The following ENPP2 variants were observed in gnomAD, a reference collection of about 807,000 sequenced individuals.
The protein encoded by ENPP2 is ectonucleotide pyrophosphatase/phosphodiesterase 2, also known as autotaxin.
ENPP2 carries 51 observed loss-of-function variants against 120.2 expected under a neutral mutation model. The observed-to-expected ratio is 0.42, with a 90% CI of 0.34 to 0.54. ENPP2 has a LOEUF of 0.54. Ranked by LOEUF, ENPP2 falls within the 20% of genes least tolerant of loss-of-function variation. The pLI is 0.04. For missense variants in ENPP2, 920 were observed against 1,066.5 expected (o/e 0.86, Z 1.91); for synonymous variants, 365 against 366.4 (o/e 1.00, Z 0.04).
At chr8:119,582,643 T>G (rs541540465) in intron 17 of ENPP2, 41 bp from the exon 18 acceptor site, 52 of 1,402,992 alleles carry the variant, frequency 3.7e-5, no homozygotes, top group Non-Finnish European at 4.8e-5. Flanking sequence ...CTTCTTATAT[T>G]TTTTTGATGA....
At chr8:119,622,820 A>T (rs1815999297) in intron 3 of ENPP2, among the ~76,000 whole-genome samples, 1 of 152,080 alleles carries the variant, frequency 6.6e-6, no homozygotes, top group African/African-American at 2.4e-5. Context: ...CGGTGCCAGG[A>T]TGTCATAAAG....
intron 24 of ENPP2, among the ~76,000 whole-genome samples, chr8:119,558,055 G>A (rs112378501): frequency 0.027 from 4,045 of 152,298 alleles, 148 homozygotes; most frequent in African/African-American, 0.079. Flanking sequence ...GCAATATTGA[G>A]CACAGAGTAC....
chr8:119,587,942 C>A (rs1420470264), intron 13 of ENPP2, among the ~76,000 whole-genome samples: 1 of 152,154 alleles, frequency 6.6e-6, no homozygotes, highest in East Asian at 1.9e-4. Flanking sequence ...TGGAGCAGGC[C>A]TTATCTGTAT....
At chr8:119,568,996 A>G (rs1357974338) in intron 21 of ENPP2, among the ~76,000 whole-genome samples, 1 of 151,652 alleles carries the variant, frequency 6.6e-6, no homozygotes, top group Non-Finnish European at 1.5e-5. Context: ...TTCTCATTTA[A>G]TAATGTAAGG....
At chr8:119,617,310 T>G in intron 6 of ENPP2, 67 bp from the exon 7 acceptor site, 1 of 1,322,774 alleles carries the variant, frequency 7.6e-7, no homozygotes, top group Non-Finnish European at 1.1e-6. Context: ...AAATCCATTT[T>G]ATAAACACTC....
chr8:119,617,028 G>T, intron 7 of ENPP2, 136 bp downstream of exon 7: 1 of 637,262 alleles, frequency 1.6e-6, no homozygotes, highest in Non-Finnish European at 2.8e-6. Context: ...GTGAACAAAT[G>T]ACCCAGTTAA....
intron 15 of ENPP2, among the ~76,000 whole-genome samples, chr8:119,584,660 A>C (rs1281089333): frequency 6.6e-6 from 1 of 152,202 alleles, no homozygotes; most frequent in African/African-American, 2.4e-5. Context: ...TGACAAAAGC[A>C]TGGTCTCACC....
intron 19 of ENPP2, 116 bp downstream of exon 19, chr8:119,580,000 A>C: frequency 1.3e-6 from 1 of 773,670 alleles, no homozygotes; most frequent in Non-Finnish European, 2.3e-6. Context: ...GTCACTTTGA[A>C]ATACAAATTC....
chr8:119,650,830 A>G lies in ENPP2; in HGVS notation c.22-12303T>C, dbSNP rs909966200. On this transcript the variant is annotated intron_variant, in intron 1 of 25. Coordinates refer to the ENPP2 transcript ENST00000427067. ...TTTCTGTTTCATTTTACTTTTAAAT[A>G]AAACAGCCTAGAAGAGACCCTAGTT... Among the ~76,000 whole-genome samples, 27 of 152,226 alleles carry G rather than the reference A, an allele frequency of 1.8e-4. 2 individuals carry two copies. Among genetic ancestry groups the G allele is most frequent in the Admixed American group, 1.5e-3 (23 of 15,278 alleles).
chr8:119,571,049 C>G (rs1814933449), intron 19 of ENPP2: 2 of 371,344 alleles, frequency 5.4e-6, no homozygotes, highest in East Asian at 4.1e-5. Context: ...TTACAGTTAT[C>G]AAAACCATAA....
chr8:119,565,984 A>G (rs550073053), intron 22 of ENPP2, among the ~76,000 whole-genome samples: 81 of 152,200 alleles, frequency 5.3e-4, no homozygotes, highest in African/African-American at 1.9e-3. Flanking sequence ...TACCTCTGTG[A>G]CTTTACTTCC....
intron 9 of ENPP2, among the ~76,000 whole-genome samples, chr8:119,603,129 C>A (rs1814434618): frequency 6.6e-6 from 1 of 152,058 alleles, no homozygotes; most frequent in South Asian, 2.1e-4. Flanking sequence ...ATAGGCAGAG[C>A]AAAGCCAGGT....
chr8:119,637,052 A>C (rs1157042182), intron 2 of ENPP2, among the ~76,000 whole-genome samples: 1 of 152,182 alleles, frequency 6.6e-6, no homozygotes, highest in African/African-American at 2.4e-5. Context: ...AAGAGGAAAC[A>C]GAAAAAAAAA....
intron 1 of ENPP2, among the ~76,000 whole-genome samples, chr8:119,650,244 C>T (rs1587572684): frequency 6.6e-6 from 1 of 152,250 alleles, no homozygotes. Flanking sequence ...ACAAAAGCCA[C>T]ATGTTTTATG....
At chr8:119,613,942 TA>T (rs1192998050) in intron 8 of ENPP2, among the ~76,000 whole-genome samples, 1 of 152,004 alleles carries the variant, frequency 6.6e-6, no homozygotes, top group Admixed American at 6.5e-5. Context: ...CACCCTACTG[TA>T]TAATAGAACA....
intron 19 of ENPP2, among the ~76,000 whole-genome samples, chr8:119,579,038 G>A (rs60049505): frequency 2.0e-3 from 302 of 152,282 alleles, no homozygotes; most frequent in African/African-American, 7.1e-3. Context: ...ATGACTTGTG[G>A]CTGCTATGCT....
chr8:119,658,820 A>T (rs1817838804), intron 1 of ENPP2, among the ~76,000 whole-genome samples: 1 of 152,198 alleles, frequency 6.6e-6, no homozygotes, highest in Non-Finnish European at 1.5e-5. Flanking sequence ...GCACACAGGG[A>T]TGTTCAACTA....
intron 23 of ENPP2, among the ~76,000 whole-genome samples, chr8:119,564,133 A>T (rs1274372595): frequency 1.3e-5 from 2 of 151,950 alleles, no homozygotes; most frequent in Non-Finnish European, 2.9e-5. Context: ...AGACAACCAG[A>T]TTCAATCCAA....
chr8:119,575,265 T>G (rs1171708003), intron 19 of ENPP2, among the ~76,000 whole-genome samples: 1 of 151,988 alleles, frequency 6.6e-6, no homozygotes, highest in Admixed American at 6.6e-5. Context: ...CCATTACTCT[T>G]CTGCTTGGCC....
Sources: gnomAD v4.1 joint callset for allele counts (sites outside exome capture counted in the v4.1 genomes callset) on GRCh38, gnomAD v4.1.1 for gene constraint, MANE v1.5 for transcripts, NCBI Gene and HGNC (gene_info 2026-07-23, HGNC 2026-07-21) for gene names.